Variants in DPP6 observed in about 807,000 individuals in gnomAD.
The protein encoded by DPP6 is A-type potassium channel modulatory protein DPP6.
In DPP6, 69 loss-of-function variants were observed where a neutral mutation model predicts 122.6. The ratio of observed to expected loss-of-function variants is 0.56; its 90% CI spans 0.46 to 0.69. The LOEUF is 0.69. DPP6 is among the 30% of genes least tolerant of loss of function. The probability of loss-of-function intolerance (pLI) is 0.00; values close to 1 mark genes in which losing one functional copy is unlikely to be tolerated. For synonymous variants in DPP6, 418 were observed against 433.1 expected, an observed-to-expected ratio of 0.97 and a Z score of 0.43; for missense variants, 928 against 1,116.9, an observed-to-expected ratio of 0.83 and a Z score of 2.41.
chr7:154,517,495 A>G (rs1216204935), intron 3 of DPP6, among the ~76,000 whole-genome samples: 1 of 152,156 alleles, frequency 6.6e-6, no homozygotes, highest in Non-Finnish European at 1.5e-5. Flanking sequence ...CATGGTTCAT[A>G]AAGTCAGATA....
At chr7:154,472,971 A>G (rs1034618118) in intron 2 of DPP6, among the ~76,000 whole-genome samples, 2 of 152,216 alleles carry the variant, frequency 1.3e-5, no homozygotes, top group African/African-American at 4.8e-5. Context: ...AAGTGAATAC[A>G]TTGCCTTTTC....
chr7:154,314,528 C>T (rs997263792), intron 1 of DPP6, among the ~76,000 whole-genome samples: 6 of 152,190 alleles, frequency 3.9e-5, no homozygotes, highest in African/African-American at 1.2e-4. Context: ...CCAAAGGGCA[C>T]GTCTTTTCCA....
intron 16 of DPP6, among the ~76,000 whole-genome samples, chr7:154,824,373 G>C (rs1456826845): frequency 2.0e-5 from 3 of 152,140 alleles, no homozygotes; most frequent in African/African-American, 7.2e-5. Context: ...TCTGCCTCCC[G>C]GGTTCAAGCG....
intron 3 of DPP6, among the ~76,000 whole-genome samples, chr7:154,509,192 G>A (rs1325565229): frequency 6.6e-6 from 1 of 152,050 alleles, no homozygotes; most frequent in African/African-American, 2.4e-5. Context: ...AAGGGAAAAG[G>A]CAATCTATCA....
At chr7:153,864,669 TAATACACAC>T in the DPP6 span, among the ~76,000 whole-genome samples, 3 of 96,152 alleles carry the variant, frequency 3.1e-5, no homozygotes, top group African/African-American at 8.1e-5. Flanking sequence ...AAAATAATAA[TAATACACAC>T]ACACACACAC....
intron 1 of DPP6, among the ~76,000 whole-genome samples, chr7:154,136,420 G>A (rs1182394171): frequency 1.3e-5 from 2 of 152,110 alleles, no homozygotes; most frequent in African/African-American, 4.8e-5. Context: ...AGTGGGCTTG[G>A]GTTGTTTGTA....
chr7:154,159,355 G>T (rs1385954132), intron 1 of DPP6, among the ~76,000 whole-genome samples: 2 of 152,074 alleles, frequency 1.3e-5, no homozygotes, highest in Admixed American at 6.5e-5. Flanking sequence ...GGTCTGATCT[G>T]CTGTTCTCTC....
chr7:154,713,755 G>C (rs896544674), intron 7 of DPP6, among the ~76,000 whole-genome samples: 1 of 152,164 alleles, frequency 6.6e-6, no homozygotes, highest in African/African-American at 2.4e-5. Flanking sequence ...TGTGATGGGA[G>C]GGGCTGCCAT....
In DPP6 at chr7:154,093,404, C is replaced by G. The variant is rs931166390; in HGVS notation, c.243+40341C>G. On this transcript the variant is annotated intron_variant, in intron 1 of 25. Transcript: ENST00000377770. ...ACCACATGCCACACAACCTACATAC[C>G]ACATCCTACACACCACACACACCCC... 1.4e-3 allele frequency among the ~76,000 whole-genome samples: 199 copies of G among 146,020 alleles called. 1 individual carries two copies. The highest frequency in any genetic ancestry group is 4.8e-3 in the African/African-American group (189 of 38,990).
chr7:153,801,378 G>A, the DPP6 span, among the ~76,000 whole-genome samples: 781 of 151,908 alleles, frequency 5.1e-3, 5 homozygotes, highest in African/African-American at 0.017. Flanking sequence ...CATGCTCCAC[G>A]TTCCTCATTA....
chr7:154,668,930 G>A (rs1312608176), intron 6 of DPP6, among the ~76,000 whole-genome samples: 1 of 152,120 alleles, frequency 6.6e-6, no homozygotes, highest in East Asian at 1.9e-4. Context: ...ATGCCACCAG[G>A]TTTGTAAGGT....
chr7:154,869,835 G>GCCCCCA (rs58787412), intron 18 of DPP6, among the ~76,000 whole-genome samples: 4 of 107,850 alleles, frequency 3.7e-5, no homozygotes, highest in East Asian at 5.2e-4. Flanking sequence ...ATCCGCTCCC[G>GCCCCCA]CCCCCACCCC....
chr7:153,937,312 C>T lies in DPP6; in HGVS notation c.51+49578C>T, dbSNP rs140758133. Among the ~76,000 whole-genome samples, 256 of 151,596 alleles carry T rather than the reference C, an allele frequency of 1.7e-3. 1 individual carries two copies. Among genetic ancestry groups the T allele is most frequent in the African/African-American group, 5.9e-3 (244 of 41,316 alleles). On this transcript the variant is annotated intron_variant, in intron 1 of 25. Transcript: ENST00000404039. Reference sequence around the variant, plus strand: ...AAACACTAAGTTTATTACATAAAAGCCTCAATTCCCTCCTAACTATCACCA... The same window carrying T: ...AAACACTAAGTTTATTACATAAAAGTCTCAATTCCCTCCTAACTATCACCA...
chr7:153,793,865 G>A, the DPP6 span, among the ~76,000 whole-genome samples: 1 of 152,228 alleles, frequency 6.6e-6, no homozygotes, highest in African/African-American at 2.4e-5. Context: ...GGCCAATGTA[G>A]AACTCGGGCC....
chr7:154,246,331 T>G (rs1360804246), intron 1 of DPP6, among the ~76,000 whole-genome samples: 1 of 151,774 alleles, frequency 6.6e-6, no homozygotes, highest in Non-Finnish European at 1.5e-5. Context: ...CTTCAAGAAG[T>G]TGGAAAAAGA....
the DPP6 span, among the ~76,000 whole-genome samples, chr7:153,880,103 A>C: frequency 6.6e-6 from 1 of 152,168 alleles, no homozygotes; most frequent in Admixed American, 6.5e-5. Flanking sequence ...TGAACTGCTG[A>C]TGTTTGAATA....
At chr7:153,927,607 C>T (rs563512495) in intron 1 of DPP6, among the ~76,000 whole-genome samples, 7 of 152,314 alleles carry the variant, frequency 4.6e-5, no homozygotes, top group African/African-American at 1.7e-4. Flanking sequence ...GAACAAGAAG[C>T]ACATCATGTC....
intron 1 of DPP6, among the ~76,000 whole-genome samples, chr7:154,144,741 G>T (rs1167719935): frequency 5.9e-5 from 9 of 152,248 alleles, no homozygotes; most frequent in African/African-American, 2.2e-4. Context: ...GATGTCATAA[G>T]GATGGGGCCC....
At position 154,893,153 on chromosome 7, in the gene DPP6, G is replaced by T. The variant is rs1409026914; in HGVS notation, c.*673G>T. ...GGGTTGTTTTGCTGTTTGGGGTTGG[G>T]CCTTGTTTCCCTTTCCTTTCTCCAG... is the stretch of plus-strand genomic sequence containing the variant. On this transcript the variant is annotated 3_prime_UTR_variant, in exon 26 of 26. Transcript: ENST00000377770. The T allele has an allele frequency of 2.9e-5, 10 of 342,666 alleles. No homozygotes were observed. The highest frequency in any genetic ancestry group is 2.8e-4 in the Admixed American group (7 of 24,918). The allele number at this position is 342,666 out of a possible 1,614,324, so 21.2% of individuals were successfully genotyped here.
Sources: allele counts gnomAD v4.1 joint callset (sites outside exome capture counted in the v4.1 genomes callset), GRCh38; gene constraint gnomAD v4.1.1; transcripts MANE v1.5; gene names NCBI Gene and HGNC (gene_info 2026-07-23, HGNC 2026-07-21).